The following LRMDA variants were observed in gnomAD, a reference collection of about 807,000 sequenced individuals.
The protein encoded by LRMDA is leucine rich melanocyte differentiation associated, also known as leucine-rich melanocyte differentiation-associated protein.
LRMDA carries 18 observed loss-of-function variants against 29.8 expected under a neutral mutation model. The ratio of observed to expected loss-of-function variants is 0.60; its 90% CI spans 0.42 to 0.90. The LOEUF (loss-of-function observed/expected upper bound fraction) is 0.90, where lower values mean the gene tolerates loss of function less well. Ranked by LOEUF, LRMDA falls within the 40% of genes least tolerant of loss-of-function variation. LRMDA has a pLI of 0.00. For synonymous variants in LRMDA, 125 were observed against 109.4 expected, an observed-to-expected ratio of 1.14 and a Z score of -0.89; for missense variants, 273 against 273.9, an observed-to-expected ratio of 1.00 and a Z score of 0.02.
Position 75,578,215 on chromosome 10 carries a change from C to CAAAAAAAAAAAAAAAAAAA in LRMDA, c.131+139727_131+139745dup, listed in dbSNP as rs1183989010. Among the ~76,000 whole-genome samples the CAAAAAAAAAAAAAAAAAAA allele has an allele frequency of 8.4e-4, 12 of 14,224 alleles. 4 individuals carry two copies. Among genetic ancestry groups the CAAAAAAAAAAAAAAAAAAA allele is most frequent in the Non-Finnish European group, 1.4e-3 (8 of 5,888 alleles). The allele number at this position is 14,224 out of a possible 152,430, so 9.3% of individuals were successfully genotyped here. On this transcript the variant is annotated intron_variant, in intron 2 of 6. Transcript: ENST00000611255. ...GTATATTTACCAAGCAAATGGAAAG[C>CAAAAAAAAAAAAAAAAAAA]AAAAAAAAAAAAAAAAAAAAAAAAG...
intron 2 of LRMDA, among the ~76,000 whole-genome samples, chr10:75,787,491 G>A (rs1283916471): frequency 6.6e-6 from 1 of 152,068 alleles, no homozygotes; most frequent in African/African-American, 2.4e-5. Context: ...CCCTTTCATT[G>A]TCAGGACATA....
intron 2 of LRMDA, among the ~76,000 whole-genome samples, chr10:75,927,282 C>T (rs1256730218): frequency 1.3e-5 from 2 of 152,160 alleles, no homozygotes; most frequent in African/African-American, 4.8e-5. Flanking sequence ...CCTGGGGCTA[C>T]AAAGATCCCA....
At chr10:75,536,319 C>T (rs565105867) in intron 2 of LRMDA, among the ~76,000 whole-genome samples, 1 of 152,252 alleles carries the variant, frequency 6.6e-6, no homozygotes, top group Non-Finnish European at 1.5e-5. Flanking sequence ...CTCAAACATG[C>T]CCCCTGGCCT....
intron 5 of LRMDA, among the ~76,000 whole-genome samples, chr10:76,315,718 G>C (rs1840687119): frequency 6.6e-6 from 1 of 152,148 alleles, no homozygotes; most frequent in Admixed American, 6.5e-5. Context: ...GGGCGGAAGG[G>C]GGTGGGTGCC....
Position 75,490,292 on chromosome 10 carries a change from T to C in LRMDA, c.131+51798T>C, listed in dbSNP as rs1020554221. Among the ~76,000 whole-genome samples, 5 of 151,866 alleles carry C rather than the reference T, an allele frequency of 3.3e-5. No individual in the cohort carries two copies. In the South Asian group the frequency reaches 6.2e-4, roughly 19 times the overall value. ...AATAAAAATTAGTGATGATGAGAAG[T>C]ATTTTGGCCAAGAATATGTATGTGC... On this transcript the variant is annotated intron_variant, in intron 2 of 6. Coordinates refer to ENST00000611255, the MANE Select transcript of LRMDA (RefSeq NM_001305581.2).
intron 5 of LRMDA, among the ~76,000 whole-genome samples, chr10:76,262,403 G>A (rs557473360): frequency 1.5e-4 from 23 of 152,254 alleles, no homozygotes; most frequent in Admixed American, 7.2e-4. Context: ...ATGATTCTCC[G>A]TGAAAAGAAC....
intron 2 of LRMDA, among the ~76,000 whole-genome samples, chr10:75,798,111 CT>C (rs1039557446): frequency 1.4e-5 from 2 of 146,992 alleles, no homozygotes; most frequent in Admixed American, 1.4e-4. Context: ...ACTCATATAT[CT>C]TTTTTTCAAA....
intron 6 of LRMDA, among the ~76,000 whole-genome samples, chr10:76,475,748 C>T (rs992713005): frequency 6.6e-5 from 10 of 152,104 alleles, no homozygotes; most frequent in African/African-American, 2.4e-4. Flanking sequence ...AAGAAACTCA[C>T]TCAAAACCGC....
intron 2 of LRMDA, among the ~76,000 whole-genome samples, chr10:75,664,516 A>G (rs1216100511): frequency 2.6e-5 from 4 of 152,278 alleles, no homozygotes; most frequent in East Asian, 1.9e-4. Flanking sequence ...ACTGTGTTCT[A>G]TGATGGAGGA....
intron 5 of LRMDA, among the ~76,000 whole-genome samples, chr10:76,245,674 T>G (rs896299912): frequency 9.2e-5 from 14 of 152,292 alleles, no homozygotes; most frequent in African/African-American, 3.4e-4. Context: ...GTCACTAAAT[T>G]ATTAAGAAGC....
At chr10:76,089,395 A>G (rs184920247) in intron 5 of LRMDA, among the ~76,000 whole-genome samples, 1 of 152,354 alleles carries the variant, frequency 6.6e-6, no homozygotes, top group African/African-American at 2.4e-5. Context: ...TGCACTGGTG[A>G]AAAATGAAGA....
At chr10:75,843,463 T>C (rs1844577058) in intron 2 of LRMDA, among the ~76,000 whole-genome samples, 1 of 152,324 alleles carries the variant, frequency 6.6e-6, no homozygotes, top group Non-Finnish European at 1.5e-5. Context: ...TGAGTGCCAG[T>C]GCTTGCTCTA....
rs1257843486 is a variant in LRMDA at position 76,119,314 on chromosome 10, C to T, written c.516+60531C>T. On this transcript the variant is annotated intron_variant, in intron 5 of 6. Coordinates refer to ENST00000611255, the MANE Select transcript of LRMDA (RefSeq NM_001305581.2). ...TCCTCACACTTAAATGGCAGGGCAG[C>T]ATAGATTGCTTCTGCTGCTGAGGCT... Among the ~76,000 whole-genome samples, 6 of 152,064 alleles carry T rather than the reference C, an allele frequency of 3.9e-5. No homozygotes were observed. The East Asian group carries it at 9.7e-4, about 25-fold the overall frequency.
intron 6 of LRMDA, among the ~76,000 whole-genome samples, chr10:76,537,213 C>G (rs1250046990): frequency 1.3e-5 from 2 of 152,208 alleles, no homozygotes; most frequent in Non-Finnish European, 2.9e-5. Flanking sequence ...TTCCCTGCCC[C>G]ACAACATGAA....
chr10:75,597,935 G>A (rs970898901), intron 2 of LRMDA, among the ~76,000 whole-genome samples: 2 of 152,116 alleles, frequency 1.3e-5, no homozygotes, highest in Non-Finnish European at 2.9e-5. Context: ...AGCCTGCTGC[G>A]AGGGGACGCC....
At chr10:75,552,993 A>T (rs1244489873) in intron 2 of LRMDA, among the ~76,000 whole-genome samples, 1 of 152,100 alleles carries the variant, frequency 6.6e-6, no homozygotes, top group Non-Finnish European at 1.5e-5. Flanking sequence ...AAACTTAATT[A>T]TAGTTATTTT....
At chr10:76,213,062 C>T (rs113968159) in intron 5 of LRMDA, among the ~76,000 whole-genome samples, 1,899 of 152,318 alleles carry the variant, frequency 0.012, 47 homozygotes, top group African/African-American at 0.041. Context: ...ACCCCAAAAA[C>T]GCATCCCAAA....
chr10:76,406,907 T>C (rs1246167228), intron 6 of LRMDA, among the ~76,000 whole-genome samples: 1 of 152,208 alleles, frequency 6.6e-6, no homozygotes, highest in Admixed American at 6.5e-5. Flanking sequence ...TCAGAAAGGC[T>C]GGAATAATTG....
chr10:75,486,996 C>T (rs752342258), intron 2 of LRMDA, among the ~76,000 whole-genome samples: 11 of 152,108 alleles, frequency 7.2e-5, no homozygotes, highest in South Asian at 2.1e-4. Flanking sequence ...ATCAGGGAGA[C>T]GAAGGGATTT....
Sources: gnomAD v4.1 joint callset for allele counts (sites outside exome capture counted in the v4.1 genomes callset) on GRCh38, gnomAD v4.1.1 for gene constraint, MANE v1.5 for transcripts, NCBI Gene and HGNC (gene_info 2026-07-23, HGNC 2026-07-21) for gene names.